The following PODXL2 variants were observed in gnomAD, a reference collection of about 807,000 sequenced individuals.
The protein encoded by PODXL2 is podocalyxin-like protein 2.
Under a neutral mutation model 53.4 loss-of-function variants are expected in PODXL2, and 17 were observed. The observed-to-expected ratio is 0.32, with a 90% confidence interval of 0.22 to 0.48. PODXL2 has a LOEUF of 0.48. Ranked by LOEUF, PODXL2 falls within the 20% of genes least tolerant of loss-of-function variation. The pLI, the probability that PODXL2 is intolerant of heterozygous loss-of-function variation, is 0.99. For synonymous variants in PODXL2, 311 were observed against 306.7 expected, an observed-to-expected ratio of 1.01 and a Z score of -0.15; for missense variants, 673 against 760.0, an observed-to-expected ratio of 0.89 and a Z score of 1.35.
rs138258251 is a variant in PODXL2, at chr3:127,632,910, A to G, written c.70+3621A>G. On this transcript the variant is annotated intron_variant, in intron 1 of 7. Transcript: ENST00000342480. ...TTTACCTCTAATAAGAGCACAGCCCACCTGAAACCAAAGTTCAATTATAAT... is the reference window on the plus strand; with the variant it reads ...TTTACCTCTAATAAGAGCACAGCCCGCCTGAAACCAAAGTTCAATTATAAT... 3.9e-4 allele frequency among the ~76,000 whole-genome samples: 59 copies of G among 152,332 alleles called. No homozygotes were observed. The East Asian group carries it at 0.011, about 28-fold the overall frequency.
intron 4 of PODXL2, 46 bp downstream of exon 4, chr3:127,662,357 A>G: frequency 6.6e-7 from 1 of 1,522,100 alleles, no homozygotes; most frequent in Non-Finnish European, 9.0e-7. Context: ...GGCTGCAGGC[A>G]GTGGACAGGG....
At chr3:127,653,987 T>C (rs2074705659) in intron 2 of PODXL2, among the ~76,000 whole-genome samples, 1 of 152,180 alleles carries the variant, frequency 6.6e-6, no homozygotes, top group Non-Finnish European at 1.5e-5. Context: ...ATCAGGAAAT[T>C]AACACTGATA....
At chr3:127,635,668 C>T (rs979360863) in intron 1 of PODXL2, among the ~76,000 whole-genome samples, 12 of 152,178 alleles carry the variant, frequency 7.9e-5, no homozygotes, top group African/African-American at 2.9e-4. Flanking sequence ...ATTGTTGGGC[C>T]CCGTCACAGA....
At chr3:127,657,945 T>C (rs895367534) in intron 2 of PODXL2, among the ~76,000 whole-genome samples, 8 of 152,236 alleles carry the variant, frequency 5.3e-5, no homozygotes, top group Admixed American at 1.3e-4. Flanking sequence ...TTTTCTGAAT[T>C]CTCTTTTGTT....
intron 1 of PODXL2, among the ~76,000 whole-genome samples, chr3:127,638,747 A>C (rs1477423156): frequency 1.3e-5 from 2 of 152,150 alleles, no homozygotes; most frequent in African/African-American, 4.8e-5. Context: ...ACTAAAGACT[A>C]TGTTCAGGAT....
At chr3:127,662,140 C>A in intron 3 of PODXL2, 97 bp from the exon 4 acceptor site, 2 of 1,017,710 alleles carry the variant, frequency 2.0e-6, no homozygotes, top group Non-Finnish European at 1.5e-6. Flanking sequence ...TGGCCTCCAC[C>A]TTCCAGCTTC....
chr3:127,652,330 G>A (rs1368949867), intron 2 of PODXL2, among the ~76,000 whole-genome samples: 3 of 152,160 alleles, frequency 2.0e-5, no homozygotes, highest in Non-Finnish European at 2.9e-5. Context: ...GGAACATGTG[G>A]TTTCTGTTTA....
At chr3:127,654,689 G>C (rs911824026) in intron 2 of PODXL2, among the ~76,000 whole-genome samples, 6 of 152,150 alleles carry the variant, frequency 3.9e-5, no homozygotes, top group African/African-American at 1.4e-4. Flanking sequence ...TATAAAAAAT[G>C]AAAAATAAAA....
Position 127,648,277 on chromosome 3 carries a change from C to A in PODXL2, c.349+8754C>A, listed in dbSNP as rs150105922. On this transcript the variant is annotated intron_variant, in intron 2 of 7. Coordinates refer to ENST00000342480, the MANE Select transcript of PODXL2 (RefSeq NM_015720.4). Reference sequence around the variant, plus strand: ...ATCAATTTTGGAGAAAGCAGACCGACCGAGCAGCTGTCTGCTGGGACCTGG... The same window carrying A: ...ATCAATTTTGGAGAAAGCAGACCGAACGAGCAGCTGTCTGCTGGGACCTGG... Among the ~76,000 whole-genome samples the A allele has an allele frequency of 5.2e-3, 794 of 152,334 alleles. 6 individuals are homozygous for A. The highest frequency in any genetic ancestry group is 0.017 in the African/African-American group (724 of 41,578).
intron 2 of PODXL2, among the ~76,000 whole-genome samples, chr3:127,651,665 C>T (rs962505469): frequency 6.6e-6 from 1 of 152,236 alleles, no homozygotes; most frequent in African/African-American, 2.4e-5. Context: ...GTGGTCCCTT[C>T]CCGTGTTAGG....
At chr3:127,639,818 G>T (rs2074603297) in intron 2 of PODXL2, among the ~76,000 whole-genome samples, 2 of 152,196 alleles carry the variant, frequency 1.3e-5, no homozygotes, top group Admixed American at 1.3e-4. Context: ...CCCCCTTGTA[G>T]ACAAGAAAAC....
intron 6 of PODXL2, among the ~76,000 whole-genome samples, chr3:127,670,632 C>A (rs1057060649): frequency 6.6e-6 from 1 of 152,126 alleles, no homozygotes; most frequent in Non-Finnish European, 1.5e-5. Context: ...TCACAGAAAC[C>A]GGGGAAGAGC....
chr3:127,672,040 G>A (rs2074848510), intron 7 of PODXL2, among the ~76,000 whole-genome samples: 1 of 152,286 alleles, frequency 6.6e-6, no homozygotes, highest in Admixed American at 6.5e-5. Flanking sequence ...TTCTTAGGGG[G>A]CTGTTGGGGG....
chr3:127,641,569 A>G lies in PODXL2; in HGVS notation c.349+2046A>G, dbSNP rs550042617. Among the ~76,000 whole-genome samples, 105 of 151,956 alleles carry G rather than the reference A, an allele frequency of 6.9e-4. No homozygotes were observed. In the Middle Eastern group the frequency reaches 0.014, roughly 20 times the overall value. The stretch of plus-strand genomic sequence containing the variant: ...GCTCTTGTTGCCCAGGCTGGAGTGC[A>G]GTGGTGCCATCTTGGCTCACCACAA... On this transcript the variant is annotated intron_variant, in intron 2 of 7. Transcript: ENST00000342480.
At chr3:127,647,256 G>A (rs1199451192) in intron 2 of PODXL2, among the ~76,000 whole-genome samples, 4 of 152,134 alleles carry the variant, frequency 2.6e-5, no homozygotes, top group Admixed American at 1.3e-4. Context: ...CATGGAATGC[G>A]AATTGCTGCT....
chr3:127,662,210 C>T (rs748806517), intron 3 of PODXL2, 27 bp from the exon 4 acceptor site: 38 of 1,600,102 alleles, frequency 2.4e-5, no homozygotes, highest in South Asian at 1.4e-4. Flanking sequence ...TCGTAACTGT[C>T]GCCCTTCTTT....
chr3:127,669,948 G>A (rs1559880054), intron 6 of PODXL2, among the ~76,000 whole-genome samples: 1 of 152,186 alleles, frequency 6.6e-6, no homozygotes, highest in Non-Finnish European at 1.5e-5. Flanking sequence ...TTTGCTCACT[G>A]TAGAGTCCAG....
chr3:127,664,825 A>G (rs776431988), intron 4 of PODXL2, among the ~76,000 whole-genome samples: 7 of 152,072 alleles, frequency 4.6e-5, no homozygotes, highest in Non-Finnish European at 1.0e-4. Context: ...ATTTTCCCTG[A>G]TGATTGGTGA....
At chr3:127,647,670 C>T (rs2074664878) in intron 2 of PODXL2, among the ~76,000 whole-genome samples, 1 of 152,244 alleles carries the variant, frequency 6.6e-6, no homozygotes, top group African/African-American at 2.4e-5. Context: ...TCGGCTTTCC[C>T]TTGCTGGCTT....
Sources: allele counts gnomAD v4.1 joint callset (sites outside exome capture counted in the v4.1 genomes callset), GRCh38; gene constraint gnomAD v4.1.1; transcripts MANE v1.5; gene names NCBI Gene and HGNC (gene_info 2026-07-23, HGNC 2026-07-21).